SIMC1: variants seen among roughly 807,000 people sequenced by gnomAD.
SIMC1 encodes SUMO interacting motifs containing 1.
SIMC1 carries 55 observed loss-of-function variants against 82.3 expected under a neutral mutation model. The observed-to-expected ratio is 0.67, with a 90% CI of 0.54 to 0.84. The LOEUF (loss-of-function observed/expected upper bound fraction) is 0.84, where lower values mean the gene tolerates loss of function less well. SIMC1 is among the 40% of genes least tolerant of loss of function. The probability of loss-of-function intolerance (pLI) is 0.00; values close to 1 mark genes in which losing one functional copy is unlikely to be tolerated. For missense variants in SIMC1, 915 were observed against 1,107.2 expected, an observed-to-expected ratio of 0.83 and a Z score of 2.46; for synonymous variants, 353 against 426.3, an observed-to-expected ratio of 0.83 and a Z score of 2.12.
intron 1 of SIMC1, among the ~76,000 whole-genome samples, chr5:176,277,489 T>C (rs79467752): frequency 0.58 from 88,175 of 151,482 alleles, 25,924 homozygotes; most frequent in Middle Eastern, 0.62. Context: ...TTTGTTGCCA[T>C]TGCTTTTGGT....
At chr5:176,316,766 G>A (rs1368020810) in intron 5 of SIMC1, among the ~76,000 whole-genome samples, 1 of 151,982 alleles carries the variant, frequency 6.6e-6, no homozygotes, top group Admixed American at 6.6e-5. Flanking sequence ...GGCCAAGGTG[G>A]GCGGATCACA....
chr5:176,309,127 C>G lies in SIMC1; in HGVS notation c.1735-4564C>G, dbSNP rs150064361. 2.5e-4 allele frequency: 159 copies of G among 633,796 alleles called. 1 individual carries two copies. Among genetic ancestry groups the G allele is most frequent in the African/African-American group, 2.5e-3 (136 of 54,884 alleles). 39.3% of individuals were successfully genotyped at this position (633,796 alleles called of 1,614,324 possible). A position where few individuals can be genotyped will look rare whatever the true frequency, so the allele number is the denominator to read the frequency against. On this transcript the variant is annotated intron_variant, in intron 4 of 9. Transcript: ENST00000429602. ...TCACATTACCTGACTTCAAGACTTA[C>G]TATAAAGCTGTAGTAATCAAGATAG...
intron 1 of SIMC1, among the ~76,000 whole-genome samples, chr5:176,267,745 T>G (rs1455038998): frequency 6.3e-5 from 6 of 95,460 alleles, no homozygotes; most frequent in East Asian, 2.6e-4. Context: ...TTTTTTTTTT[T>G]TTTTTTTTTT....
At chr5:176,279,932 GA>G (rs967937510) in intron 1 of SIMC1, among the ~76,000 whole-genome samples, 1 of 152,202 alleles carries the variant, frequency 6.6e-6, no homozygotes, top group Admixed American at 6.5e-5. Context: ...GTGCGGTGCT[GA>G]AAAAAATGTA....
intron 1 of SIMC1, among the ~76,000 whole-genome samples, chr5:176,277,083 G>A (rs111455939): frequency 3.8e-4 from 57 of 151,800 alleles, no homozygotes; most frequent in African/African-American, 9.7e-4. Context: ...AAGTGTTCCT[G>A]TTTCTCCACA....
Position 176,338,014 on chromosome 5 carries a change from T to C in SIMC1, c.2413+868T>C, listed in dbSNP as rs533712473. Among the ~76,000 whole-genome samples, 3 of 152,322 alleles carry C rather than the reference T, an allele frequency of 2.0e-5. No individual in the cohort carries two copies. The South Asian group carries it at 6.2e-4, about 32-fold the overall frequency. On this transcript the variant is annotated intron_variant, in intron 9 of 9. Transcript: ENST00000429602. ...GGGAAACTGAAGAACTGATGAATTA[T>C]TAATTACTAGAGGAAAAATAGTAAC...
At chr5:176,340,377 C>T (rs962015096) in intron 9 of SIMC1, among the ~76,000 whole-genome samples, 8 of 152,146 alleles carry the variant, frequency 5.3e-5, no homozygotes, top group African/African-American at 1.9e-4. Flanking sequence ...AAAGTGCTGC[C>T]TGTCATGGAG....
chr5:176,295,975 G>A (rs182534440), intron 3 of SIMC1: 275 of 514,282 alleles, frequency 5.3e-4, no homozygotes, highest in African/African-American at 4.7e-3. Context: ...TTGGGGTTCT[G>A]GTAGGTAAAA....
chr5:176,316,349 G>A (rs976434218), intron 5 of SIMC1, among the ~76,000 whole-genome samples: 28 of 151,836 alleles, frequency 1.8e-4, no homozygotes, highest in South Asian at 1.5e-3. Context: ...CTCACTGTAC[G>A]GGGTATGACT....
chr5:176,259,948 G>C (rs2913303), intron 1 of SIMC1, among the ~76,000 whole-genome samples: 1 of 150,590 alleles, frequency 6.6e-6, no homozygotes, highest in South Asian at 2.1e-4. Flanking sequence ...GATCATGCTA[G>C]CTTTTTAAAA....
At chr5:176,272,959 A>C (rs1467596455) in intron 1 of SIMC1, among the ~76,000 whole-genome samples, 1 of 152,178 alleles carries the variant, frequency 6.6e-6, no homozygotes, top group African/African-American at 2.4e-5. Context: ...GGTGGAGCCC[A>C]CCGCAGCTCA....
At chr5:176,260,450 C>A (rs1761978292) in intron 1 of SIMC1, among the ~76,000 whole-genome samples, 1 of 152,044 alleles carries the variant, frequency 6.6e-6, no homozygotes, top group African/African-American at 2.4e-5. Context: ...TACCCAAAAA[C>A]CTATGAAACT....
chr5:176,326,139 GTA>G (rs1765384248), intron 7 of SIMC1, among the ~76,000 whole-genome samples: 1 of 152,146 alleles, frequency 6.6e-6, no homozygotes, highest in Non-Finnish European at 1.5e-5. Context: ...GGAAATTATG[GTA>G]TATGTTTGTC....
intron 1 of SIMC1, among the ~76,000 whole-genome samples, chr5:176,282,524 C>G (rs531131444): frequency 1.7e-4 from 26 of 152,348 alleles, no homozygotes; most frequent in African/African-American, 6.0e-4. Flanking sequence ...TCTTCTGCGT[C>G]GCTCACGCTG....
At chr5:176,252,773 G>C (rs998923624) in intron 1 of SIMC1, among the ~76,000 whole-genome samples, 19 of 152,226 alleles carry the variant, frequency 1.2e-4, no homozygotes, top group Non-Finnish European at 2.2e-4. Context: ...CGGCACTTTG[G>C]GGGGCCAAGG....
chr5:176,298,656 T>A (rs1319294935), intron 4 of SIMC1, among the ~76,000 whole-genome samples: 2 of 152,136 alleles, frequency 1.3e-5, no homozygotes, highest in African/African-American at 4.8e-5. Flanking sequence ...GTATACAGTA[T>A]ATAAAGATCT....
intron 1 of SIMC1, among the ~76,000 whole-genome samples, chr5:176,252,431 C>A (rs1371990588): frequency 6.6e-6 from 1 of 151,022 alleles, no homozygotes; most frequent in Non-Finnish European, 1.5e-5. Context: ...GACAGGGCGG[C>A]CGGGCAGAGA....
At chr5:176,333,772 CTT>C (rs764027550) in intron 7 of SIMC1, among the ~76,000 whole-genome samples, 4 of 152,002 alleles carry the variant, frequency 2.6e-5, no homozygotes, top group Non-Finnish European at 4.4e-5. Context: ...CCCAACCTCT[CTT>C]ATCTTCTGGG....
At chr5:176,263,548 A>G in intron 1 of SIMC1, 2 of 1,411,996 alleles carry the variant, frequency 1.4e-6, no homozygotes, top group Non-Finnish European at 1.9e-6. Flanking sequence ...AAGAACATTC[A>G]TATTTTGCAG....
Sources: allele counts gnomAD v4.1 joint callset (sites outside exome capture counted in the v4.1 genomes callset), GRCh38; gene constraint gnomAD v4.1.1; transcripts MANE v1.5; gene names NCBI Gene and HGNC (gene_info 2026-07-23, HGNC 2026-07-21).